Variants in SMCO4 observed in about 807,000 individuals in gnomAD.
SMCO4 encodes the protein single-pass membrane and coiled-coil domain-containing protein 4.
Under a neutral mutation model 3.6 loss-of-function variants are expected in SMCO4, and 4 were observed. The ratio of observed to expected loss-of-function variants is 1.11; its 90% CI spans 0.54 to 2.53. The LOEUF (loss-of-function observed/expected upper bound fraction) is 2.53. Among genes scored for constraint, SMCO4 ranks in the 30% most tolerant of loss-of-function variants. SMCO4 has a pLI of 0.02. For synonymous variants in SMCO4, 36 were observed against 35.3 expected, an observed-to-expected ratio of 1.02 and a Z score of -0.07; for missense variants, 70 against 80.8, an observed-to-expected ratio of 0.87 and a Z score of 0.51.
intron 2 of SMCO4, chr11:93,481,564 A>C (rs1292171007): frequency 4.1e-6 from 4 of 973,584 alleles, no homozygotes; most frequent in African/African-American, 1.8e-5. Context: ...AGTCAGACAG[A>C]CAGGCTTTAT....
chr11:93,549,719 G>A, the SMCO4 span, among the ~76,000 whole-genome samples: 1 of 151,586 alleles, frequency 6.6e-6, no homozygotes, highest in Admixed American at 6.6e-5. Context: ...TCAGCCTCCC[G>A]AAGTGCTGTG....
intron 1 of SMCO4, among the ~76,000 whole-genome samples, chr11:93,531,751 C>T (rs1454334170): frequency 6.6e-6 from 1 of 152,092 alleles, no homozygotes; most frequent in East Asian, 1.9e-4. Context: ...AATCTTGGGG[C>T]CCCCAAATCA....
chr11:93,525,489 T>G (rs3794000), intron 1 of SMCO4, among the ~76,000 whole-genome samples: 6,197 of 152,198 alleles, frequency 0.041, 164 homozygotes, highest in African/African-American at 0.07. Flanking sequence ...GGATCAGCAA[T>G]TTTCAGAAAA....
rs1209423407 is a variant in SMCO4, at chr11:93,482,079, G to A, written c.-80-2810C>T. Among the ~76,000 whole-genome samples, 4 of 152,262 alleles carry A rather than the reference G, an allele frequency of 2.6e-5. No homozygotes were observed. In the South Asian group the frequency reaches 8.3e-4, roughly 31 times the overall value. ...AAAAGCCTCAAGCTGCTGGGGCCAGGGCCGGTCTGGTCAGGATTTAAAGGG... is the reference window on the plus strand; with the variant it reads ...AAAAGCCTCAAGCTGCTGGGGCCAGAGCCGGTCTGGTCAGGATTTAAAGGG... On this transcript the variant is annotated intron_variant, in intron 2 of 2. Coordinates refer to ENST00000298966, the MANE Select transcript of SMCO4 (RefSeq NM_020179.3).
chr11:93,512,337 G>A (rs1379375742), intron 1 of SMCO4, among the ~76,000 whole-genome samples: 1 of 152,090 alleles, frequency 6.6e-6, no homozygotes, highest in Non-Finnish European at 1.5e-5. Flanking sequence ...TAAAACCGTA[G>A]CACAAAGCAT....
upstream of SMCO4, chr11:93,543,658 T>G (rs559162968): frequency 5.2e-5 from 8 of 152,382 alleles, no homozygotes; most frequent in Non-Finnish European, 8.8e-5. Context: ...GTCACCCCCT[T>G]GTTGATATAT....
At chr11:93,532,244 C>T (rs981510834) in intron 1 of SMCO4, among the ~76,000 whole-genome samples, 5 of 152,126 alleles carry the variant, frequency 3.3e-5, no homozygotes, top group African/African-American at 9.7e-5. Flanking sequence ...AGACACACAC[C>T]GTAATGGTTA....
At chr11:93,504,638 C>G (rs1299361718) in intron 1 of SMCO4, among the ~76,000 whole-genome samples, 1 of 152,202 alleles carries the variant, frequency 6.6e-6, no homozygotes, top group African/African-American at 2.4e-5. Flanking sequence ...GTCGCAAAAC[C>G]CTCCTGCTAT....
At chr11:93,544,169 A>G (rs1949297521), upstream of SMCO4, among the ~76,000 whole-genome samples, 1 of 152,222 alleles carries the variant, frequency 6.6e-6, no homozygotes, top group African/African-American at 2.4e-5. Flanking sequence ...CCTACTTCAC[A>G]GAGTTGTGAG....
upstream of SMCO4, among the ~76,000 whole-genome samples, chr11:93,546,284 T>C (rs937533537): frequency 9.9e-5 from 15 of 152,232 alleles, no homozygotes; most frequent in African/African-American, 3.6e-4. Flanking sequence ...TCTTTGAAAG[T>C]TCTTCATTGA....
At chr11:93,515,761 C>T (rs1404902658) in intron 1 of SMCO4, among the ~76,000 whole-genome samples, 1 of 152,172 alleles carries the variant, frequency 6.6e-6, no homozygotes, top group Non-Finnish European at 1.5e-5. Flanking sequence ...GCTCTTGGGC[C>T]TCAAGTTCAA....
rs80275200 is a variant in SMCO4 at position 93,520,106 on chromosome 11, T to A, written c.-153-20758A>T. Among the ~76,000 whole-genome samples the A allele has an allele frequency of 4.8e-3, 737 of 152,230 alleles. 4 individuals carry two copies. The highest frequency in any genetic ancestry group is 7.4e-3 in the Non-Finnish European group (505 of 68,030). ...CCCGGATGGCATCGCTCAGGCCTGA[T>A]GAGAAACAAAGCATGCTGCAGGTGG... On this transcript the variant is annotated intron_variant, in intron 1 of 2. Coordinates refer to ENST00000298966, the MANE Select transcript of SMCO4 (RefSeq NM_020179.3).
chr11:93,499,056 C>A (rs143324822), intron 2 of SMCO4, among the ~76,000 whole-genome samples: 1 of 152,046 alleles, frequency 6.6e-6, no homozygotes, highest in Non-Finnish European at 1.5e-5. Flanking sequence ...GAGAAAGTGT[C>A]GTGGGGGTTC....
intron 1 of SMCO4, among the ~76,000 whole-genome samples, chr11:93,529,834 A>G (rs1302180903): frequency 2.6e-5 from 4 of 152,232 alleles, no homozygotes; most frequent in Admixed American, 6.5e-5. Context: ...TTAATGACCA[A>G]TACTCAGATT....
chr11:93,549,123 G>GTGTGTGTGTACACTCACATGCA, the SMCO4 span, among the ~76,000 whole-genome samples: 4 of 152,194 alleles, frequency 2.6e-5, no homozygotes, highest in African/African-American at 4.8e-5. Context: ...GTGGCCATGA[G>GTGTGTGTGTACACTCACATGCA]TGTGTGTGTA....
At chr11:93,543,030 C>G (rs891528541) in intron 1 of SMCO4, among the ~76,000 whole-genome samples, 13 of 151,772 alleles carry the variant, frequency 8.6e-5, no homozygotes, top group African/African-American at 3.1e-4. Flanking sequence ...TGCAGCGTCT[C>G]GAGCCGCGAC....
chr11:93,496,125 A>C (rs1565376946), intron 2 of SMCO4, among the ~76,000 whole-genome samples: 1 of 152,180 alleles, frequency 6.6e-6, no homozygotes, highest in Admixed American at 6.5e-5. Flanking sequence ...ATTTGACAAG[A>C]ATTTTTAAAG....
intron 1 of SMCO4, among the ~76,000 whole-genome samples, chr11:93,517,559 A>G (rs3794005): frequency 0.035 from 5,357 of 152,260 alleles, 243 homozygotes; most frequent in East Asian, 0.14. Context: ...CAATTTCTCT[A>G]GTTCCAGCAC....
chr11:93,500,311 T>C (rs889743161), intron 1 of SMCO4, among the ~76,000 whole-genome samples: 6 of 152,214 alleles, frequency 3.9e-5, no homozygotes, highest in African/African-American at 1.4e-4. Context: ...ACTTTGTTCA[T>C]GTTAGTGGTT....
Sources: gnomAD v4.1 joint callset for allele counts (sites outside exome capture counted in the v4.1 genomes callset) on GRCh38, gnomAD v4.1.1 for gene constraint, MANE v1.5 for transcripts, NCBI Gene and HGNC (gene_info 2026-07-23, HGNC 2026-07-21) for gene names.